The following ANKRD31 variants were observed in gnomAD, a reference collection of about 807,000 sequenced individuals.
ANKRD31 encodes the protein ankyrin repeat domain 31.
Under a neutral mutation model 186.0 loss-of-function variants are expected in ANKRD31, and 147 were observed. The ratio of observed to expected loss-of-function variants is 0.79; its 90% CI spans 0.69 to 0.91. ANKRD31 has a LOEUF of 0.91. ANKRD31 is among the 40% of genes least tolerant of loss of function. The pLI, the probability that ANKRD31 is intolerant of heterozygous loss-of-function variation, is 0.00. For missense variants in ANKRD31, 1,986 were observed against 2,148.8 expected (o/e 0.92, Z 1.50); for synonymous variants, 673 against 736.4 (o/e 0.91, Z 1.39).
At chr5:75,231,324 C>A (rs1418835248) in intron 1 of ANKRD31, among the ~76,000 whole-genome samples, 1 of 151,788 alleles carries the variant, frequency 6.6e-6, no homozygotes, top group African/African-American at 2.4e-5. Flanking sequence ...AATGATCCTG[C>A]CTTGACCTCC....
chr5:75,160,043 G>A (rs1248265440), intron 11 of ANKRD31, among the ~76,000 whole-genome samples: 1 of 152,006 alleles, frequency 6.6e-6, no homozygotes, highest in Admixed American at 6.6e-5. Context: ...AGCCAGAAAT[G>A]TAAAATAGGA....
At chr5:75,080,301 C>T (rs1246489855) in intron 25 of ANKRD31, among the ~76,000 whole-genome samples, 1 of 152,094 alleles carries the variant, frequency 6.6e-6, no homozygotes, top group Non-Finnish European at 1.5e-5. Context: ...TTTACTTATT[C>T]ATTCATTTAT....
intron 25 of ANKRD31, among the ~76,000 whole-genome samples, chr5:75,078,098 A>G (rs1744807248): frequency 6.6e-6 from 1 of 152,132 alleles, no homozygotes; most frequent in Non-Finnish European, 1.5e-5. Flanking sequence ...GTTAGGTTAA[A>G]AGAGTGTTAA....
At chr5:75,210,889 T>G (rs1399600110) in intron 3 of ANKRD31, 24 bp from the exon 4 acceptor site, 2 of 1,483,994 alleles carry the variant, frequency 1.3e-6, no homozygotes, top group Admixed American at 4.7e-5. Context: ...AAAAAGTTTT[T>G]TCCAACTGAT....
intron 3 of ANKRD31, among the ~76,000 whole-genome samples, chr5:75,213,426 G>GT (rs1257907038): frequency 6.6e-6 from 1 of 152,160 alleles, no homozygotes; most frequent in African/African-American, 2.4e-5. Flanking sequence ...AATGCAAAAG[G>GT]TAAGAAAGCA....
At position 75,228,080 on chromosome 5, in the gene ANKRD31, C is replaced by T. The variant is rs369567059; in HGVS notation, c.178+2482G>A. Reference sequence around the variant, plus strand: ...CGCTGCTTTACTGCACATAAAGTAACTAGTGTATGTACACAAACATATTGC... The same window carrying T: ...CGCTGCTTTACTGCACATAAAGTAATTAGTGTATGTACACAAACATATTGC... On this transcript the variant is annotated intron_variant, in intron 2 of 25. Transcript: ENST00000506364. 1.5e-3 allele frequency among the ~76,000 whole-genome samples: 232 copies of T among 152,320 alleles called. 2 individuals are homozygous for T. The highest frequency in any genetic ancestry group is 9.3e-3 in the South Asian group (45 of 4,828).
At chr5:75,077,508 AT>A (rs1744742263) in intron 25 of ANKRD31, among the ~76,000 whole-genome samples, 1 of 152,130 alleles carries the variant, frequency 6.6e-6, no homozygotes, top group African/African-American at 2.4e-5. Context: ...TGGGGGGGGA[AT>A]TAAAATCTTA....
chr5:75,108,247 T>C (rs1747492010), intron 20 of ANKRD31, among the ~76,000 whole-genome samples: 1 of 152,020 alleles, frequency 6.6e-6, no homozygotes, highest in Non-Finnish European at 1.5e-5. Flanking sequence ...TGCTATCAGT[T>C]CTTGTTCTTT....
chr5:75,092,314 G>A (rs1341245485), intron 22 of ANKRD31, among the ~76,000 whole-genome samples: 1 of 152,214 alleles, frequency 6.6e-6, no homozygotes, highest in East Asian at 1.9e-4. Flanking sequence ...AAAAGAGCTG[G>A]CAGGAGCCTT....
Position 75,116,669 on chromosome 5 carries a change from G to A in ANKRD31, c.4052C>T (p.Ala1351Val), listed in dbSNP as rs776341649. Residue 1351 changes from alanine to valine, a missense_variant, in exon 19 of 26, where the codon GCT (alanine) becomes GTT (valine). Coordinates refer to ENST00000506364, the MANE Select transcript of ANKRD31 (RefSeq NM_001372053.1). ...SDAIVNEKIPAVRSKRHKQCF... is the reference protein window; with the variant it reads ...SDAIVNEKIPVVRSKRHKQCF... ...CTGTTTATGTCTTTTAGACCGGACA[G>A]CAGGAATTTTTTCTTTAAAAAGTAA... 4.3e-5 allele frequency: 61 copies of A among 1,408,092 alleles called. No individual in the cohort carries two copies. The East Asian group carries it at 1.3e-3, about 29-fold the overall frequency. 87.2% of individuals were successfully genotyped at this position (1,408,092 alleles called of 1,614,324 possible). A position where few individuals can be genotyped will look rare whatever the true frequency, so the allele number is the denominator to read the frequency against.
chr5:75,134,340 C>A (rs4510119), intron 17 of ANKRD31, among the ~76,000 whole-genome samples: 10 of 151,984 alleles, frequency 6.6e-5, no homozygotes, highest in African/African-American at 9.7e-5. Context: ...ATATCACCAC[C>A]GATTCCACAG....
chr5:75,095,150 G>C (rs1164957280), intron 22 of ANKRD31, among the ~76,000 whole-genome samples: 1 of 152,042 alleles, frequency 6.6e-6, no homozygotes, highest in Non-Finnish European at 1.5e-5. Flanking sequence ...ATTTTCCATG[G>C]TCAACAGTGG....
intron 25 of ANKRD31, 121 bp downstream of exon 25, chr5:75,080,447 T>C: frequency 1.8e-6 from 1 of 555,340 alleles, no homozygotes. Context: ...TAACCAGCAA[T>C]TATTTATAAT....
intron 10 of ANKRD31, among the ~76,000 whole-genome samples, chr5:75,174,399 C>T (rs897594090): frequency 5.9e-5 from 9 of 152,170 alleles, no homozygotes; most frequent in Non-Finnish European, 1.0e-4. Flanking sequence ...AACTAAAGAG[C>T]TTCTCCACAG....
chr5:75,223,072 C>G (rs980936407), intron 2 of ANKRD31, among the ~76,000 whole-genome samples: 1 of 152,170 alleles, frequency 6.6e-6, no homozygotes, highest in Non-Finnish European at 1.5e-5. Flanking sequence ...AGTGTAAAAG[C>G]ATTCCTATTT....
intron 17 of ANKRD31, among the ~76,000 whole-genome samples, chr5:75,124,846 G>A (rs2150096618): frequency 6.6e-6 from 1 of 152,214 alleles, no homozygotes; most frequent in South Asian, 2.1e-4. Context: ...GTTGAGGGAT[G>A]AGAAATTAAT....
chr5:75,195,753 C>T lies in ANKRD31; in HGVS notation c.895G>A (p.Ala299Thr). ...CTGTGACAGATGGTTTCCACCTTGG[C>T]TTCTGACAATGTGTTCAGGGCTTCC... ...LLEALNTLSEAKVETICHRKE... is the reference protein window; with the variant it reads ...LLEALNTLSETKVETICHRKE... The change falls in exon 7 of 26, where the codon GCC becomes ACC. Residue 299 changes from alanine to threonine, a missense_variant. Physicochemically the swap from Ala to Thr is moderately conservative, Grantham distance 58. Transcript: ENST00000506364. 1 of 1,537,486 alleles carries T rather than the reference C, an allele frequency of 6.5e-7. No homozygotes were observed. The highest frequency in any genetic ancestry group is 2.0e-5 in the Admixed American group (1 of 50,976).
intron 15 of ANKRD31, among the ~76,000 whole-genome samples, 197 bp downstream of exon 15, chr5:75,143,804 T>C (rs1751228670): frequency 6.6e-6 from 1 of 152,166 alleles, no homozygotes; most frequent in East Asian, 1.9e-4. Context: ...GAAAGAAGTA[T>C]GACATGAATA....
intron 4 of ANKRD31, among the ~76,000 whole-genome samples, chr5:75,210,214 C>T (rs1033554990): frequency 6.6e-6 from 1 of 152,280 alleles, no homozygotes; most frequent in East Asian, 1.9e-4. Context: ...TACTCTGTTG[C>T]CCAGGCTGGA....
Sources: gnomAD v4.1 joint callset for allele counts (sites outside exome capture counted in the v4.1 genomes callset) on GRCh38, gnomAD v4.1.1 for gene constraint, MANE v1.5 for transcripts, NCBI Gene and HGNC (gene_info 2026-07-23, HGNC 2026-07-21) for gene names.